CERS3: variants seen among roughly 807,000 people sequenced by gnomAD.
CERS3 encodes ceramide synthase 3.
Under a neutral mutation model 50.3 loss-of-function variants are expected in CERS3, and 33 were observed. The ratio of observed to expected loss-of-function variants is 0.66; its 90% CI spans 0.50 to 0.88. The LOEUF (loss-of-function observed/expected upper bound fraction) is 0.88. Among genes scored for constraint, CERS3 ranks in the 40% least tolerant of loss-of-function variants. The pLI is 0.00. For synonymous variants in CERS3, 176 were observed against 155.2 expected (o/e 1.13, Z -0.99); for missense variants, 470 against 460.3 (o/e 1.02, Z -0.19).
chr15:100,449,242 C>T (rs558193312), intron 11 of CERS3, among the ~76,000 whole-genome samples: 1 of 152,362 alleles, frequency 6.6e-6, no homozygotes, highest in East Asian at 1.9e-4. Context: ...CTCACCTGCA[C>T]ATGCAACCTG....
At chr15:100,527,949 G>T (rs1398799218) in intron 1 of CERS3, among the ~76,000 whole-genome samples, 1 of 152,084 alleles carries the variant, frequency 6.6e-6, no homozygotes, top group Non-Finnish European at 1.5e-5. Flanking sequence ...AAAAACAAAA[G>T]GCTTGTAGGG....
chr15:100,404,416 G>A (rs2030818088), intron 11 of CERS3, among the ~76,000 whole-genome samples: 1 of 152,142 alleles, frequency 6.6e-6, no homozygotes, highest in African/African-American at 2.4e-5. Context: ...TATAGGATCT[G>A]TATGTAAAAC....
intron 4 of CERS3, among the ~76,000 whole-genome samples, chr15:100,490,598 A>G (rs1224601617): frequency 1.3e-5 from 2 of 152,222 alleles, no homozygotes; most frequent in African/African-American, 4.8e-5. Flanking sequence ...TAAATACAAT[A>G]GTTCAACTGT....
In CERS3 at chr15:100,476,064, G is replaced by T. The variant is rs201524751; in HGVS notation, c.609+22C>A. 462 of 1,480,358 alleles carry T rather than the reference G, an allele frequency of 3.1e-4. No homozygotes were observed. The African/African-American group carries it at 6.1e-3, about 19-fold the overall frequency. 91.7% of individuals were successfully genotyped at this position (1,480,358 alleles called of 1,614,324 possible). On this transcript the variant is annotated intron_variant, in intron 8 of 11. Coordinates refer to ENST00000679737, the MANE Select transcript of CERS3 (RefSeq NM_001378789.1). ...AATTTTTGAAGAAATTGATAAAGAA[G>T]CTTTGTAAATAAGACACTTACCTTT...
intron 11 of CERS3, among the ~76,000 whole-genome samples, chr15:100,415,028 TC>T (rs913107123): frequency 1.3e-5 from 2 of 152,060 alleles, no homozygotes; most frequent in African/African-American, 4.8e-5. Flanking sequence ...ATTTTTGCAA[TC>T]TACCCATCTG....
intron 2 of CERS3, among the ~76,000 whole-genome samples, chr15:100,504,492 C>T (rs921511179): frequency 5.9e-5 from 9 of 152,220 alleles, no homozygotes; most frequent in African/African-American, 2.2e-4. Context: ...ATCCGCCCGC[C>T]TCAGCCTCCC....
At chr15:100,499,799 T>C (rs2035942712) in intron 3 of CERS3, among the ~76,000 whole-genome samples, 1 of 152,230 alleles carries the variant, frequency 6.6e-6, no homozygotes, top group African/African-American at 2.4e-5. Context: ...GTGTACTCTC[T>C]TCTGCCATCA....
chr15:100,407,692 G>A (rs1195050538), intron 11 of CERS3, among the ~76,000 whole-genome samples: 1 of 152,154 alleles, frequency 6.6e-6, no homozygotes, highest in East Asian at 1.9e-4. Context: ...GGTTGTATCA[G>A]TACTGGACAT....
intron 11 of CERS3, among the ~76,000 whole-genome samples, chr15:100,447,987 A>C (rs1444349168): frequency 6.6e-6 from 1 of 152,234 alleles, no homozygotes; most frequent in African/African-American, 2.4e-5. Context: ...TATTTAGAGA[A>C]GATGTTTTCA....
intron 2 of CERS3, among the ~76,000 whole-genome samples, chr15:100,502,251 G>GAAAAAAAAAAAAAAAAAAAA (rs58654483): frequency 7.0e-5 from 8 of 113,692 alleles, no homozygotes; most frequent in Non-Finnish European, 6.8e-5. Context: ...CTCAAAAAAA[G>GAAAAAAAAAAAAAAAAAAAA]AAAAAAAAAA....
rs189313103 is a variant in CERS3, at chr15:100,442,342, C to T, written c.999+13551G>A. Among the ~76,000 whole-genome samples the T allele has an allele frequency of 2.4e-3, 370 of 152,276 alleles. 1 individual carries two copies. The highest frequency in any genetic ancestry group is 6.8e-3 in the Middle Eastern group (2 of 294). ...AAATAAAACTCCAAAAATTAAATTC[C>T]GGCCCTTTAACCCCACAACAGGATT... On this transcript the variant is annotated intron_variant, in intron 11 of 11. Transcript: ENST00000679737.
At chr15:100,483,823 C>G (rs1442393206) in intron 5 of CERS3, among the ~76,000 whole-genome samples, 2 of 123,936 alleles carry the variant, frequency 1.6e-5, no homozygotes, top group Non-Finnish European at 3.3e-5. Context: ...CTCTGTCACC[C>G]AGGCTGGAGT....
rs563443288 is a variant in CERS3, at chr15:100,508,531, C to T, written c.-1-6681G>A. On this transcript the variant is annotated intron_variant, in intron 2 of 11. Coordinates refer to ENST00000679737, the MANE Select transcript of CERS3 (RefSeq NM_001378789.1). ...GGAGAGATACCTGTGTTTTTAAAAC[C>T]CCACATGTCACTGCTGTGAAAAATT... 1.7e-3 allele frequency among the ~76,000 whole-genome samples: 252 copies of T among 152,174 alleles called. 1 individual carries two copies. The highest frequency in any genetic ancestry group is 5.8e-3 in the African/African-American group (242 of 41,514).
At chr15:100,424,938 C>T (rs896476641) in intron 11 of CERS3, among the ~76,000 whole-genome samples, 1 of 152,196 alleles carries the variant, frequency 6.6e-6, no homozygotes, top group Non-Finnish European at 1.5e-5. Context: ...TGCTTTAGCT[C>T]CAGCCATGGC....
chr15:100,508,185 A>G (rs1397579889), intron 2 of CERS3, among the ~76,000 whole-genome samples: 2 of 149,886 alleles, frequency 1.3e-5, no homozygotes, highest in Non-Finnish European at 3.0e-5. Flanking sequence ...CTCCCCGTTT[A>G]GCCTCTGACC....
At chr15:100,513,610 T>C (rs1428886983) in intron 2 of CERS3, among the ~76,000 whole-genome samples, 2 of 150,848 alleles carry the variant, frequency 1.3e-5, no homozygotes, top group African/African-American at 4.9e-5. Flanking sequence ...TGATCATGGC[T>C]CACTGAAGCC....
chr15:100,462,932 G>A (rs1043499440), intron 10 of CERS3, among the ~76,000 whole-genome samples: 3 of 152,188 alleles, frequency 2.0e-5, no homozygotes, highest in Admixed American at 1.3e-4. Context: ...TAACTGTATT[G>A]TGATTATGTA....
chr15:100,467,293 T>C (rs1030280403), intron 10 of CERS3, among the ~76,000 whole-genome samples: 4 of 28,958 alleles, frequency 1.4e-4, no homozygotes, highest in South Asian at 2.4e-3. Context: ...CCTAGAACCA[T>C]GAGAAATAAT....
intron 11 of CERS3, among the ~76,000 whole-genome samples, chr15:100,432,167 A>G (rs2033170085): frequency 6.6e-6 from 1 of 151,998 alleles, no homozygotes. Context: ...TCCTGAGCTC[A>G]AGCAAACCTC....
Sources: gnomAD v4.1 joint callset for allele counts (sites outside exome capture counted in the v4.1 genomes callset) on GRCh38, gnomAD v4.1.1 for gene constraint, MANE v1.5 for transcripts, NCBI Gene and HGNC (gene_info 2026-07-23, HGNC 2026-07-21) for gene names.